The following AKAP9 variants were observed in gnomAD, a reference collection of about 807,000 sequenced individuals.
AKAP9 encodes the protein A-kinase anchoring protein 9.
AKAP9 carries 311 observed loss-of-function variants against 488.5 expected under a neutral mutation model. The ratio of observed to expected loss-of-function variants is 0.64; its 90% CI spans 0.58 to 0.70. AKAP9 has a LOEUF of 0.70. Ranked by LOEUF, AKAP9 falls within the 30% of genes least tolerant of loss-of-function variation. AKAP9 has a pLI of 0.00. For missense variants in AKAP9, 4,215 were observed against 4,374.5 expected (o/e 0.96, Z 1.03); for synonymous variants, 1,462 against 1,483.5 (o/e 0.99, Z 0.33).
intron 37 of AKAP9, 81 bp from the exon 38 acceptor site, chr7:92,089,304 A>G: frequency 6.6e-7 from 1 of 1,518,674 alleles, no homozygotes; most frequent in Admixed American, 1.7e-5. Flanking sequence ...TGTTCCATTC[A>G]TTCTTCTTTA....
chr7:92,005,836 T>G (rs1799774265), intron 8 of AKAP9, among the ~76,000 whole-genome samples: 1 of 151,698 alleles, frequency 6.6e-6, no homozygotes. Flanking sequence ...GCCTGGGTAA[T>G]TTTTGTATTT....
Position 92,031,539 on chromosome 7 carries a change from G to A in AKAP9, c.4273G>A (p.Glu1425Lys). 6.2e-7 allele frequency: 1 copy of A among 1,612,446 alleles called. No individual in the cohort carries two copies. Among genetic ancestry groups the A allele is most frequent in the Non-Finnish European group, 8.5e-7 (1 of 1,178,982 alleles). The change falls in exon 16 of 50, where the codon GAA becomes AAA. Residue 1425 changes from glutamate (E) to lysine (K), a missense_variant. Coordinates refer to ENST00000356239, the MANE Select transcript of AKAP9 (RefSeq NM_005751.5). ...TTCTGGTGAATTTGGAGTGAAAGAG[G>A]AAACAAATATCGTTAAGTTGCTTGA... is the stretch of plus-strand genomic sequence containing the variant. Reference protein sequence around the residue: ...EFSGEFGVKEETNIVKLLEKQ... With the variant: ...EFSGEFGVKEKTNIVKLLEKQ...
chr7:92,036,919 G>A (rs1312916569), intron 16 of AKAP9, among the ~76,000 whole-genome samples: 3 of 152,186 alleles, frequency 2.0e-5, no homozygotes, highest in Admixed American at 6.5e-5. Flanking sequence ...GGTTCTTTCT[G>A]AGCTAGCATA....
chr7:92,061,120 A>G (rs749725854), intron 22 of AKAP9, 140 bp from the exon 23 acceptor site: 2 of 970,440 alleles, frequency 2.1e-6, no homozygotes, highest in Non-Finnish European at 3.1e-6. Context: ...ATCTTAGCAT[A>G]CACTGGCAAT....
intron 7 of AKAP9, among the ~76,000 whole-genome samples, chr7:91,996,306 A>G (rs369445129): frequency 3.9e-5 from 6 of 152,196 alleles, no homozygotes; most frequent in African/African-American, 1.4e-4. Flanking sequence ...TATATTTTAC[A>G]TATATGTGTA....
intron 1 of AKAP9, among the ~76,000 whole-genome samples, chr7:91,960,809 C>T (rs1474258103): frequency 6.6e-6 from 1 of 152,196 alleles, no homozygotes; most frequent in Non-Finnish European, 1.5e-5. Context: ...CTACTTACTA[C>T]CTGACATATG....
intron 45 of AKAP9, among the ~76,000 whole-genome samples, chr7:92,102,163 TAAAA>T (rs71933089): frequency 6.5e-5 from 7 of 107,526 alleles, no homozygotes; most frequent in South Asian, 3.1e-4. Flanking sequence ...CTCATAAATT[TAAAA>T]AAAAAATAAA....
intron 1 of AKAP9, 51 bp from the exon 2 acceptor site, chr7:91,973,660 C>T (rs1795340964): frequency 8.2e-6 from 13 of 1,583,038 alleles, no homozygotes; most frequent in Non-Finnish European, 1.1e-5. Flanking sequence ...TTCTTGGTGG[C>T]AATAAAGAAA....
At chr7:92,024,064 AT>A (rs1329048123) in intron 14 of AKAP9, among the ~76,000 whole-genome samples, 1 of 151,912 alleles carries the variant, frequency 6.6e-6, no homozygotes, top group Non-Finnish European at 1.5e-5. Flanking sequence ...ATTACTTAAT[AT>A]TGTCTATTTA....
intron 1 of AKAP9, among the ~76,000 whole-genome samples, chr7:91,960,585 G>T (rs1297612763): frequency 7.2e-5 from 11 of 152,148 alleles, no homozygotes; most frequent in South Asian, 6.2e-4. Context: ...TTTTTTCTGT[G>T]TGAGGCTCTC....
At chr7:91,963,482 T>TCTCTCACACACA (rs375244495) in intron 1 of AKAP9, among the ~76,000 whole-genome samples, 1 of 139,232 alleles carries the variant, frequency 7.2e-6, no homozygotes. Context: ...AACATATTTG[T>TCTCTCACACACA]CACACACACA....
intron 1 of AKAP9, among the ~76,000 whole-genome samples, chr7:91,958,742 G>T (rs974273545): frequency 6.6e-6 from 1 of 152,018 alleles, no homozygotes; most frequent in African/African-American, 2.4e-5. Context: ...TGAATAGTTT[G>T]TTGTTTATTC....
At chr7:92,035,178 C>G (rs981624401) in intron 16 of AKAP9, among the ~76,000 whole-genome samples, 3 of 152,226 alleles carry the variant, frequency 2.0e-5, no homozygotes, top group Non-Finnish European at 4.4e-5. Context: ...TTCATTCAAT[C>G]CAAATATATT....
At chr7:91,957,619 A>G (rs1164252064) in intron 1 of AKAP9, among the ~76,000 whole-genome samples, 1 of 152,214 alleles carries the variant, frequency 6.6e-6, no homozygotes, top group African/African-American at 2.4e-5. Context: ...TTGGATAGCT[A>G]TTTAACACAG....
intron 5 of AKAP9, 131 bp downstream of exon 5, chr7:91,993,186 T>C (rs1797984992): frequency 4.1e-6 from 4 of 969,742 alleles, no homozygotes; most frequent in Admixed American, 2.7e-5. Flanking sequence ...TTTCTTCTTC[T>C]TCTTCTTCTT....
intron 26 of AKAP9, 39 bp downstream of exon 26, chr7:92,066,585 T>C: frequency 6.2e-7 from 1 of 1,609,216 alleles, no homozygotes; most frequent in Non-Finnish European, 8.5e-7. Flanking sequence ...TACAGTAATT[T>C]GTATCAAGTG....
chr7:92,094,609 C>T (rs367667538), intron 39 of AKAP9, among the ~76,000 whole-genome samples: 97 of 152,102 alleles, frequency 6.4e-4, no homozygotes, highest in Middle Eastern at 3.4e-3. Flanking sequence ...CCAAGACAGG[C>T]GGATCATGAG....
Position 92,087,260 on chromosome 7 carries a change from C to T in AKAP9, c.9213+844C>T, listed in dbSNP as rs183597095. Reference sequence around the variant, plus strand: ...GGATTCCCTTTAACGAAGAAGACGACGTCAATAGACACACTGGTACAATAG... The same window carrying T: ...GGATTCCCTTTAACGAAGAAGACGATGTCAATAGACACACTGGTACAATAG... On this transcript the variant is annotated intron_variant, in intron 37 of 49. Transcript: ENST00000356239. Among the ~76,000 whole-genome samples the T allele has an allele frequency of 5.9e-5, 9 of 152,232 alleles. No homozygotes were observed. In the South Asian group the frequency reaches 6.2e-4, roughly 11 times the overall value.
chr7:92,030,671 C>T (rs1804079797), intron 15 of AKAP9, among the ~76,000 whole-genome samples: 1 of 151,830 alleles, frequency 6.6e-6, no homozygotes, highest in African/African-American at 2.4e-5. Context: ...TTTAGGAATC[C>T]CCAGAATCCA....
Sources: allele counts gnomAD v4.1 joint callset (sites outside exome capture counted in the v4.1 genomes callset), GRCh38; gene constraint gnomAD v4.1.1; transcripts MANE v1.5; gene names NCBI Gene and HGNC (gene_info 2026-07-23, HGNC 2026-07-21).